The following CCDC148 variants were observed in gnomAD, a reference collection of about 807,000 sequenced individuals.
The protein encoded by CCDC148 is coiled-coil domain containing 148, also known as coiled-coil domain-containing protein 148.
Under a neutral mutation model 85.7 loss-of-function variants are expected in CCDC148, and 89 were observed. The observed-to-expected ratio is 1.04, with a 90% CI of 0.87 to 1.24. CCDC148 has a LOEUF of 1.24. CCDC148 is among the 50% of genes most tolerant of loss of function. CCDC148 has a pLI of 0.00. For synonymous variants in CCDC148, 230 were observed against 213.9 expected (o/e 1.08, Z -0.66); for missense variants, 692 against 671.7 (o/e 1.03, Z -0.33).
chr2:158,271,132 C>G (rs577755256), intron 9 of CCDC148, among the ~76,000 whole-genome samples: 1 of 152,270 alleles, frequency 6.6e-6, no homozygotes, highest in South Asian at 2.1e-4. Context: ...TCATCACTTT[C>G]ACTTTCATCA....
At chr2:158,297,980 T>C (rs1691268357) in intron 9 of CCDC148, among the ~76,000 whole-genome samples, 1 of 152,210 alleles carries the variant, frequency 6.6e-6, no homozygotes, top group African/African-American at 2.4e-5. Context: ...AGGAAAAAGG[T>C]TTAATTGATT....
At chr2:158,298,875 T>C (rs1553500618) in intron 9 of CCDC148, among the ~76,000 whole-genome samples, 1 of 152,208 alleles carries the variant, frequency 6.6e-6, no homozygotes, top group Non-Finnish European at 1.5e-5. Context: ...CTTTCCTTGA[T>C]TATCTATCTG....
intron 2 of CCDC148, among the ~76,000 whole-genome samples, chr2:158,354,393 G>T (rs184758716): frequency 0.18 from 26,874 of 151,762 alleles, 3,888 homozygotes; most frequent in African/African-American, 0.4. Flanking sequence ...TGATAAAGGG[G>T]ATCTCACCAC....
In CCDC148 at chr2:158,285,697, A is replaced by AT. The variant is rs879428742; in HGVS notation, c.1110+23735dup. ...AGGCGCCCACCACCACGCCCGGCTA[A>AT]TTTTTTTTTTTTGTATTTTTAGTAG... On this transcript the variant is annotated intron_variant, in intron 9 of 13. Coordinates refer to ENST00000283233, the MANE Select transcript of CCDC148 (RefSeq NM_138803.4). Among the ~76,000 whole-genome samples, 1,400 of 144,978 alleles carry AT rather than the reference A, an allele frequency of 9.7e-3. 15 individuals carry two copies. Among genetic ancestry groups the AT allele is most frequent in the East Asian group, 0.028 (138 of 4,978 alleles).
At chr2:158,337,913 C>T (rs1182941081) in intron 7 of CCDC148, among the ~76,000 whole-genome samples, 3 of 152,176 alleles carry the variant, frequency 2.0e-5, no homozygotes, top group African/African-American at 7.2e-5. Flanking sequence ...TCATATTCGT[C>T]TTCTTCCATT....
chr2:158,276,096 C>A (rs2105167786), intron 9 of CCDC148, among the ~76,000 whole-genome samples: 1 of 152,216 alleles, frequency 6.6e-6, no homozygotes, highest in African/African-American at 2.4e-5. Context: ...TTTCAAGAGT[C>A]TTCTCAGGTC....
intron 7 of CCDC148, among the ~76,000 whole-genome samples, chr2:158,325,044 G>C (rs1692703265): frequency 6.8e-6 from 1 of 147,328 alleles, no homozygotes; most frequent in Admixed American, 6.9e-5. Flanking sequence ...TCCTTTACTA[G>C]ATTACTCTTA....
intron 1 of CCDC148, among the ~76,000 whole-genome samples, chr2:158,388,606 T>C (rs1685184733): frequency 1.3e-5 from 2 of 152,154 alleles, no homozygotes; most frequent in Admixed American, 1.3e-4. Context: ...GCGATTCTCC[T>C]GCCCCAGCCT....
intron 9 of CCDC148, among the ~76,000 whole-genome samples, chr2:158,301,450 T>A (rs917456276): frequency 6.6e-6 from 1 of 152,230 alleles, no homozygotes; most frequent in Non-Finnish European, 1.5e-5. Flanking sequence ...TAAGTTGATA[T>A]AATCAGCATG....
intron 1 of CCDC148, among the ~76,000 whole-genome samples, chr2:158,377,265 GGTGTGTC>G (rs1423168201): frequency 2.6e-5 from 4 of 151,398 alleles, no homozygotes; most frequent in Non-Finnish European, 5.9e-5. Flanking sequence ...GGAGGGGTAG[GGTGTGTC>G]GATGGTGTGG....
rs753964592 is a variant in CCDC148, at chr2:158,309,542, T to G, written c.1001A>C (p.Gln334Pro). Residue 334 changes from glutamine (Q) to proline (P), a missense_variant, in exon 9 of 14, where the codon CAG becomes CCG. By Grantham distance (76) the Gln-to-Pro change is moderately conservative. Coordinates refer to ENST00000283233, the MANE Select transcript of CCDC148 (RefSeq NM_138803.4). ...NWNKNKKDFI[Q>P]KAVLTLTEAC... is the part of the protein sequence containing the mutation. ...CTCAGTGAGTGTCAGCACAGCCTTC[T>G]GTATAAAGTCTTTCTTATTTTTATT... 6.2e-7 allele frequency: 1 copy of G among 1,613,866 alleles called. No homozygotes were observed. Among genetic ancestry groups the G allele is most frequent in the South Asian group, 1.1e-5 (1 of 91,076 alleles).
In CCDC148 at chr2:158,223,879, G is replaced by A. The variant is rs145748847; in HGVS notation, c.1252-3166C>T. ...ACCACAAAGATGGGGAAAAAACAGAGCAGAAAAACTGGAAACTCTAAAAAT... is the reference window on the plus strand; with the variant it reads ...ACCACAAAGATGGGGAAAAAACAGAACAGAAAAACTGGAAACTCTAAAAAT... On this transcript the variant is annotated intron_variant, in intron 10 of 13. Transcript: ENST00000283233. Among the ~76,000 whole-genome samples the A allele has an allele frequency of 4.3e-3, 648 of 152,304 alleles. 4 individuals are homozygous for A. Among genetic ancestry groups the A allele is most frequent in the African/African-American group, 0.015 (620 of 41,562 alleles).
intron 8 of CCDC148, among the ~76,000 whole-genome samples, chr2:158,311,254 G>A (rs1428646501): frequency 6.6e-6 from 1 of 152,232 alleles, no homozygotes; most frequent in African/African-American, 2.4e-5. Context: ...CAGATCACTC[G>A]AGGTCAGGAG....
chr2:158,425,304 T>A lies in CCDC148; in HGVS notation c.25+31111A>T. ...TCACCAAAACAATCACCAGCCATAC[T>A]AAAGGAGGACATTGGAGAAAACAGG... is the stretch of plus-strand genomic sequence containing the variant. On this transcript the variant is annotated intron_variant, in intron 1 of 13. Transcript: ENST00000283233. 5 of 534,010 alleles carry A rather than the reference T, an allele frequency of 9.4e-6. 1 individual carries two copies. Among genetic ancestry groups the A allele is most frequent in the South Asian group, 4.2e-5 (3 of 70,940 alleles). The allele number at this position is 534,010 out of a possible 1,614,324, so 33.1% of individuals were successfully genotyped here.
At chr2:158,296,639 G>T (rs1158027069) in intron 9 of CCDC148, among the ~76,000 whole-genome samples, 3 of 152,120 alleles carry the variant, frequency 2.0e-5, no homozygotes, top group Admixed American at 2.0e-4. Context: ...GTGACATGTT[G>T]TTATGACTTG....
intron 9 of CCDC148, among the ~76,000 whole-genome samples, chr2:158,274,556 C>T (rs1378924909): frequency 1.3e-5 from 2 of 152,100 alleles, no homozygotes; most frequent in African/African-American, 4.8e-5. Context: ...TTTTACATTA[C>T]TGTTCAGGCA....
At chr2:158,339,694 A>C (rs992984186) in intron 5 of CCDC148, among the ~76,000 whole-genome samples, 3 of 152,168 alleles carry the variant, frequency 2.0e-5, no homozygotes, top group Non-Finnish European at 2.9e-5. Flanking sequence ...ACAAGAGGAC[A>C]TTTGAGCCAA....
intron 7 of CCDC148, among the ~76,000 whole-genome samples, chr2:158,326,232 A>C (rs999675995): frequency 6.6e-6 from 1 of 152,022 alleles, no homozygotes; most frequent in African/African-American, 2.4e-5. Flanking sequence ...TTTTTACCCA[A>C]ATATCTGCAG....
At chr2:158,225,505 C>A (rs1489001240) in intron 10 of CCDC148, among the ~76,000 whole-genome samples, 1 of 152,166 alleles carries the variant, frequency 6.6e-6, no homozygotes. Flanking sequence ...AATATACATT[C>A]TTCTCAGCAC....
Sources: gnomAD v4.1 joint callset for allele counts (sites outside exome capture counted in the v4.1 genomes callset) on GRCh38, gnomAD v4.1.1 for gene constraint, MANE v1.5 for transcripts, NCBI Gene and HGNC (gene_info 2026-07-23, HGNC 2026-07-21) for gene names.